The following UBE2R2 variants were observed in gnomAD, a reference collection of about 807,000 sequenced individuals.
UBE2R2 encodes ubiquitin conjugating enzyme E2 R2.
UBE2R2 carries 1 observed loss-of-function variant against 27.8 expected under a neutral mutation model. The observed-to-expected ratio is 0.04, with a 90% CI of 0.01 to 0.17. The LOEUF (loss-of-function observed/expected upper bound fraction) is 0.17. Ranked by LOEUF, UBE2R2 falls within the 10% of genes least tolerant of loss-of-function variation. The probability of loss-of-function intolerance (pLI) is 1.00; values close to 1 mark genes in which losing one functional copy is unlikely to be tolerated. For missense variants in UBE2R2, 100 were observed against 291.0 expected (o/e 0.34, Z 4.78); for synonymous variants, 106 against 113.3 (o/e 0.94, Z 0.41).
At chr9:33,850,002 T>C (rs573849436) in intron 1 of UBE2R2, among the ~76,000 whole-genome samples, 28 of 152,286 alleles carry the variant, frequency 1.8e-4, no homozygotes, top group African/African-American at 5.8e-4. Flanking sequence ...CAAGTTTGTC[T>C]GCCTATATCT....
chr9:33,906,297 T>A (rs1170713987), intron 3 of UBE2R2, among the ~76,000 whole-genome samples: 1 of 152,186 alleles, frequency 6.6e-6, no homozygotes, highest in Non-Finnish European at 1.5e-5. Context: ...TGATTTTGTA[T>A]TTTTAGTAGA....
intron 1 of UBE2R2, among the ~76,000 whole-genome samples, chr9:33,852,225 C>T (rs983662384): frequency 6.6e-6 from 1 of 152,138 alleles, no homozygotes. Flanking sequence ...GCAGGAGGAT[C>T]GCTTGAGTCC....
chr9:33,844,731 T>C (rs956193280), intron 1 of UBE2R2, among the ~76,000 whole-genome samples: 3 of 152,000 alleles, frequency 2.0e-5, no homozygotes, highest in African/African-American at 4.8e-5. Context: ...ATATGTTGAG[T>C]CCTCTAGAGC....
chr9:33,829,802 T>TG (rs1248207710), intron 1 of UBE2R2, among the ~76,000 whole-genome samples: 2 of 150,546 alleles, frequency 1.3e-5, no homozygotes, highest in African/African-American at 2.4e-5. Context: ...CGTTTTTTTT[T>TG]TTTTTTTTTT....
At chr9:33,897,062 A>T in intron 2 of UBE2R2, among the ~76,000 whole-genome samples, 1 of 83,884 alleles carries the variant, frequency 1.2e-5, no homozygotes, top group Non-Finnish European at 2.0e-5. Context: ...TTTGAGACGG[A>T]GTCTCGCTCT....
intron 3 of UBE2R2, among the ~76,000 whole-genome samples, chr9:33,904,741 C>A (rs926599899): frequency 6.6e-6 from 1 of 152,140 alleles, no homozygotes; most frequent in Admixed American, 6.5e-5. Context: ...CTTGGGAAAA[C>A]CAGCATACTT....
At chr9:33,859,209 C>A (rs987563569) in intron 1 of UBE2R2, among the ~76,000 whole-genome samples, 80 of 152,194 alleles carry the variant, frequency 5.3e-4, no homozygotes, top group African/African-American at 1.7e-3. Flanking sequence ...ATCATTAAAC[C>A]TTTATAAAAT....
At chr9:33,832,186 T>A (rs1346798823) in intron 1 of UBE2R2, among the ~76,000 whole-genome samples, 3 of 151,516 alleles carry the variant, frequency 2.0e-5, no homozygotes, top group Middle Eastern at 3.5e-3. Flanking sequence ...TGCGTGCCTG[T>A]AATCCCAGCT....
chr9:33,824,545 A>C (rs1357278607), intron 1 of UBE2R2, among the ~76,000 whole-genome samples: 1 of 151,972 alleles, frequency 6.6e-6, no homozygotes, highest in Non-Finnish European at 1.5e-5. Context: ...AGGCTGAGGC[A>C]GGAGAATGGC....
chr9:33,905,999 A>G (rs1404928516), intron 3 of UBE2R2, among the ~76,000 whole-genome samples: 3 of 152,190 alleles, frequency 2.0e-5, no homozygotes, highest in Non-Finnish European at 4.4e-5. Context: ...ATCTAAATCA[A>G]TCTGCGTGTG....
chr9:33,895,897 T>C (rs1459735159), intron 2 of UBE2R2, among the ~76,000 whole-genome samples: 1 of 150,892 alleles, frequency 6.6e-6, no homozygotes, highest in Non-Finnish European at 1.5e-5. Context: ...CTCAACCTGC[T>C]GAGCAGCTGG....
In UBE2R2 at chr9:33,822,402, T is replaced by C. The variant is rs140261152; in HGVS notation, c.177+4468T>C. 2.4e-3 allele frequency among the ~76,000 whole-genome samples: 361 copies of C among 149,906 alleles called. 2 individuals carry two copies. Among genetic ancestry groups the C allele is most frequent in the Non-Finnish European group, 3.1e-3 (210 of 67,644 alleles). ...CCACCACACCTGGCCTACACTGACTTACATTAAAGAAACTCTTCAAAACCT... is the reference window on the plus strand; with the variant it reads ...CCACCACACCTGGCCTACACTGACTCACATTAAAGAAACTCTTCAAAACCT... On this transcript the variant is annotated intron_variant, in intron 1 of 4. Transcript: ENST00000263228.
intron 3 of UBE2R2, among the ~76,000 whole-genome samples, chr9:33,902,315 G>A (rs2130811567): frequency 6.6e-6 from 1 of 152,272 alleles, no homozygotes; most frequent in South Asian, 2.1e-4. Context: ...CTCCCAAAGT[G>A]TTGGGATTAC....
At chr9:33,821,930 A>G (rs1825988039) in intron 1 of UBE2R2, among the ~76,000 whole-genome samples, 1 of 150,664 alleles carries the variant, frequency 6.6e-6, no homozygotes, top group South Asian at 2.1e-4. Context: ...CCAACCTTTT[A>G]TAGTTTTGAT....
Position 33,873,886 on chromosome 9 carries a change from G to A in UBE2R2, c.178-12995G>A, listed in dbSNP as rs568627895. Reference sequence around the variant, plus strand: ...TTGAACTTCTGGGCTCAAGCGATCCGCCTGCCTTGGCCTCCCAAAGTGCTA... The same window carrying A: ...TTGAACTTCTGGGCTCAAGCGATCCACCTGCCTTGGCCTCCCAAAGTGCTA... On this transcript the variant is annotated intron_variant, in intron 1 of 4. Transcript: ENST00000263228. 6.6e-5 allele frequency among the ~76,000 whole-genome samples: 10 copies of A among 151,792 alleles called. No individual in the cohort carries two copies. In the East Asian group the frequency reaches 9.7e-4, roughly 15 times the overall value.
intron 1 of UBE2R2, among the ~76,000 whole-genome samples, chr9:33,852,773 C>T (rs764423896): frequency 6.6e-6 from 1 of 151,954 alleles, no homozygotes; most frequent in East Asian, 1.9e-4. Context: ...TTTGGGAGGC[C>T]GAGGCAGGTG....
chr9:33,847,074 G>A (rs749639336), intron 1 of UBE2R2, among the ~76,000 whole-genome samples: 93 of 128,540 alleles, frequency 7.2e-4, no homozygotes, highest in Non-Finnish European at 1.4e-3. Flanking sequence ...TCAGTACTAT[G>A]AAGTTTTCAT....
chr9:33,873,192 A>AG (rs945933983), intron 1 of UBE2R2, among the ~76,000 whole-genome samples: 3 of 151,650 alleles, frequency 2.0e-5, no homozygotes, highest in Non-Finnish European at 2.9e-5. Flanking sequence ...AAAAAAAAAA[A>AG]AAAAAGATCT....
At position 33,917,330 on chromosome 9, in the gene UBE2R2, C is replaced by G. The variant is rs1431145009; in HGVS notation, c.*93C>G. The G allele has an allele frequency of 2.6e-6, 4 of 1,553,592 alleles. No homozygotes were observed. In the Admixed American group the frequency reaches 7.3e-5, roughly 28 times the overall value. On this transcript the variant is annotated 3_prime_UTR_variant, in exon 5 of 5. Coordinates refer to ENST00000263228, the MANE Select transcript of UBE2R2 (RefSeq NM_017811.4). ...CTGGCCATGGCCCCTCAGCAAAAAC[C>G]TATTCACAGCGGGTGGGGAAACACA...
Sources: gnomAD v4.1 joint callset for allele counts (sites outside exome capture counted in the v4.1 genomes callset) on GRCh38, gnomAD v4.1.1 for gene constraint, MANE v1.5 for transcripts, NCBI Gene and HGNC (gene_info 2026-07-23, HGNC 2026-07-21) for gene names.